The following MYO1H variants were observed in gnomAD, a reference collection of about 807,000 sequenced individuals.
MYO1H encodes unconventional myosin-Ih.
A neutral mutation model predicts 149.3 loss-of-function variants in MYO1H; 118 were observed. The observed-to-expected ratio is 0.79, with a 90% CI of 0.68 to 0.92. MYO1H has a LOEUF of 0.92. Ranked by LOEUF, MYO1H falls within the 40% of genes least tolerant of loss-of-function variation. The pLI, the probability that MYO1H is intolerant of heterozygous loss-of-function variation, is 0.00. For missense variants in MYO1H, 1,212 were observed against 1,280.7 expected (o/e 0.95, Z 0.82); for synonymous variants, 447 against 465.2 (o/e 0.96, Z 0.50).
At chr12:109,417,847 G>A (rs998089084) in intron 15 of MYO1H, among the ~76,000 whole-genome samples, 2 of 151,456 alleles carry the variant, frequency 1.3e-5, no homozygotes, top group South Asian at 2.1e-4. Context: ...ACGGAGTCTC[G>A]CTCTGTCGCC....
chr12:109,343,968 T>G (rs570152492), upstream of MYO1H, among the ~76,000 whole-genome samples: 33 of 152,336 alleles, frequency 2.2e-4, no homozygotes, highest in African/African-American at 7.2e-4. Context: ...TACATTCCAT[T>G]TAGTCATCAT....
At chr12:109,405,843 T>A in intron 7 of MYO1H, 79 bp from the exon 8 acceptor site, 1 of 984,220 alleles carries the variant, frequency 1.0e-6, no homozygotes, top group Non-Finnish European at 1.6e-6. Context: ...TCTCCACTAA[T>A]GACATGTATC....
intron 28 of MYO1H, 118 bp from the exon 29 acceptor site, chr12:109,444,095 T>C: frequency 1.3e-6 from 1 of 793,336 alleles, no homozygotes. Context: ...TTCATCCTTC[T>C]GGGCCCAGCT....
At position 109,379,469 on chromosome 12, in the gene MYO1H, CAG is replaced by C. The variant is rs542879411; in HGVS notation, c.13-9207_13-9206del. Among the ~76,000 whole-genome samples, 172 of 152,230 alleles carry C rather than the reference CAG, an allele frequency of 1.1e-3. 1 individual carries two copies. Among genetic ancestry groups the C allele is most frequent in the African/African-American group, 3.4e-3 (143 of 41,538 alleles). On this transcript the variant is annotated intron_variant, in intron 1 of 31. Coordinates refer to ENST00000310903, the Ensembl canonical transcript of MYO1H. ...GCTATTGGTTTCTGTCAGTTTCTAT[CAG>C]AGAGAGGCTAGTTATGATCCCTCAC...
At chr12:109,385,879 G>A (rs778085722) in intron 1 of MYO1H, among the ~76,000 whole-genome samples, 29 of 151,810 alleles carry the variant, frequency 1.9e-4, no homozygotes, top group Admixed American at 1.0e-3. Flanking sequence ...TATTTTTTAC[G>A]GTTGTTTTTC....
intron 1 of MYO1H, among the ~76,000 whole-genome samples, chr12:109,362,551 A>G (rs952016000): frequency 1.3e-5 from 2 of 152,186 alleles, no homozygotes; most frequent in Non-Finnish European, 2.9e-5. Flanking sequence ...ACCCACAGAA[A>G]ACTGTATATT....
chr12:109,352,423 G>C (rs1022499728), intron 1 of MYO1H, among the ~76,000 whole-genome samples: 8 of 152,128 alleles, frequency 5.3e-5, no homozygotes, highest in African/African-American at 1.9e-4. Flanking sequence ...CATGGTCATA[G>C]AAACATATGG....
intron 1 of MYO1H, 114 bp downstream of exon 1, chr12:109,348,086 C>T (rs920874893): frequency 9.5e-5 from 38 of 398,364 alleles, no homozygotes; most frequent in South Asian, 1.3e-4. Flanking sequence ...GAGAACTGGG[C>T]GTGTGAATAA....
At chr12:109,359,060 CTG>C (rs1868679012) in intron 1 of MYO1H, among the ~76,000 whole-genome samples, 1 of 152,030 alleles carries the variant, frequency 6.6e-6, no homozygotes, top group Non-Finnish European at 1.5e-5. Context: ...TTTTCGGTGT[CTG>C]TGCCCGGGAG....
intron 1 of MYO1H, among the ~76,000 whole-genome samples, chr12:109,375,898 G>A (rs1869077900): frequency 6.6e-6 from 1 of 152,150 alleles, no homozygotes; most frequent in African/African-American, 2.4e-5. Context: ...AGGATCATTT[G>A]AGCCCAGAAG....
At chr12:109,427,892 A>AT (rs1871421250) in intron 19 of MYO1H, among the ~76,000 whole-genome samples, 3 of 56,526 alleles carry the variant, frequency 5.3e-5, no homozygotes, top group African/African-American at 2.6e-4. Flanking sequence ...AAAAAAAAAA[A>AT]AAAAAAAAAA....
Position 109,435,133 on chromosome 12 carries a change from C to T in MYO1H, c.2140+20C>T, listed in dbSNP as rs1341196558. On this transcript the variant is annotated intron_variant, in intron 21 of 31. Transcript: ENST00000310903. ...AACTAGGTATGATTTCTTTTTCTGT[C>T]CCGATTTCAATAGAATATGAAATGA... The T allele has an allele frequency of 1.3e-6, 2 of 1,510,714 alleles. No individual in the cohort carries two copies. Among genetic ancestry groups the T allele is most frequent in the Non-Finnish European group, 1.8e-6 (2 of 1,096,370 alleles). 93.6% of individuals were successfully genotyped at this position (1,510,714 alleles called of 1,614,324 possible).
chr12:109,444,123 T>G, intron 28 of MYO1H, 90 bp from the exon 29 acceptor site: 1 of 936,862 alleles, frequency 1.1e-6, no homozygotes, highest in Non-Finnish European at 1.8e-6. Context: ...TGAAGTGTGG[T>G]GTTGGGCAGC....
chr12:109,419,795 G>T (rs564303828), intron 15 of MYO1H, among the ~76,000 whole-genome samples: 1 of 151,060 alleles, frequency 6.6e-6, no homozygotes, highest in Non-Finnish European at 1.5e-5. Flanking sequence ...TCCTAGGCTC[G>T]AGCTATCCTC....
intron 30 of MYO1H, 138 bp from the exon 31 acceptor site, chr12:109,445,375 A>T: frequency 1.5e-6 from 1 of 663,250 alleles, no homozygotes; most frequent in Non-Finnish European, 2.5e-6. Context: ...TTCCTCAAAT[A>T]TGCAATAAAA....
At chr12:109,443,678 G>A in intron 28 of MYO1H, 29 bp downstream of exon 28, 1 of 1,611,374 alleles carries the variant, frequency 6.2e-7, no homozygotes, top group Non-Finnish European at 8.5e-7. Context: ...TTAAAACAAT[G>A]CACTGAGTTG....
At chr12:109,413,875 A>G (rs764590894) in intron 14 of MYO1H, among the ~76,000 whole-genome samples, 10 of 152,188 alleles carry the variant, frequency 6.6e-5, no homozygotes, top group Middle Eastern at 3.4e-3. Context: ...GCGCCACTGC[A>G]CTCCAGCCTG....
At chr12:109,333,475 C>T in the MYO1H span, among the ~76,000 whole-genome samples, 1 of 152,112 alleles carries the variant, frequency 6.6e-6, no homozygotes, top group Non-Finnish European at 1.5e-5. Flanking sequence ...GCACCAGTCT[C>T]CTCTAAGGTT....
the MYO1H span, among the ~76,000 whole-genome samples, chr12:109,316,062 T>C: frequency 6.6e-6 from 1 of 151,818 alleles, no homozygotes; most frequent in African/African-American, 2.4e-5. Flanking sequence ...ATTAGAATAA[T>C]ATCTTTTATG....
Sources: gnomAD v4.1 joint callset for allele counts (sites outside exome capture counted in the v4.1 genomes callset) on GRCh38, gnomAD v4.1.1 for gene constraint, MANE v1.5 for transcripts, NCBI Gene and HGNC (gene_info 2026-07-23, HGNC 2026-07-21) for gene names.